The following NUP88 variants were observed in gnomAD, a reference collection of about 807,000 sequenced individuals.
NUP88 encodes the protein nucleoporin 88.
In NUP88, 57 loss-of-function variants were observed where a neutral mutation model predicts 93.9. That is an observed-to-expected ratio of 0.61 (90% confidence interval 0.49 to 0.76). NUP88 has a LOEUF of 0.76. NUP88 is among the 30% of genes least tolerant of loss of function. The probability of loss-of-function intolerance (pLI) is 0.00; values close to 1 mark genes in which losing one functional copy is unlikely to be tolerated. For synonymous variants in NUP88, 346 were observed against 336.8 expected (o/e 1.03, Z -0.30); for missense variants, 911 against 901.0 (o/e 1.01, Z -0.14).
chr17:5,405,629 T>C (rs932287069), intron 5 of NUP88, among the ~76,000 whole-genome samples: 1 of 152,182 alleles, frequency 6.6e-6, no homozygotes, highest in Non-Finnish European at 1.5e-5. Context: ...TTGAAAACCC[T>C]TGCCCTAAAT....
chr17:5,409,645 T>C (rs977001114), intron 4 of NUP88, among the ~76,000 whole-genome samples: 1 of 152,152 alleles, frequency 6.6e-6, no homozygotes, highest in Non-Finnish European at 1.5e-5. Context: ...TCTGGGAATA[T>C]GTCAGTGAAT....
intron 9 of NUP88, among the ~76,000 whole-genome samples, chr17:5,394,244 A>G (rs1912629699): frequency 6.6e-6 from 1 of 152,184 alleles, no homozygotes; most frequent in Non-Finnish European, 1.5e-5. Flanking sequence ...AGACCCAAGG[A>G]AAGAGTTGTG....
intron 2 of NUP88, among the ~76,000 whole-genome samples, chr17:5,416,160 A>AGTATATATATATAT (rs1914127002): frequency 1.2e-5 from 1 of 84,488 alleles, no homozygotes; most frequent in Non-Finnish European, 2.2e-5. Flanking sequence ...AAAAAAAAAA[A>AGTATATATATATAT]AAAAAAGTAT....
chr17:5,400,141 A>T (rs865984574), intron 7 of NUP88, among the ~76,000 whole-genome samples: 7 of 125,908 alleles, frequency 5.6e-5, no homozygotes, highest in Non-Finnish European at 9.5e-5. Flanking sequence ...TTCATTTGTT[A>T]AAAAAAAAAA....
intron 1 of NUP88, 58 bp from the exon 2 acceptor site, chr17:5,416,740 G>A: frequency 2.9e-6 from 4 of 1,387,602 alleles, no homozygotes; most frequent in Non-Finnish European, 3.9e-6. Flanking sequence ...ATAGGTGGCA[G>A]TTACTTGAAA....
chr17:5,391,526 C>T (rs1912415648), intron 10 of NUP88, 35 bp downstream of exon 10: 1 of 1,533,624 alleles, frequency 6.5e-7, no homozygotes, highest in African/African-American at 1.4e-5. Flanking sequence ...GCAGAATTAA[C>T]AAGAGCTGTG....
At chr17:5,406,835 T>A (rs573812304) in intron 5 of NUP88, among the ~76,000 whole-genome samples, 1 of 151,814 alleles carries the variant, frequency 6.6e-6, no homozygotes, top group Non-Finnish European at 1.5e-5. Context: ...CAAATTTGCG[T>A]TGGGCTGCAT....
At chr17:5,393,935 G>A (rs1912607757) in intron 9 of NUP88, among the ~76,000 whole-genome samples, 2 of 152,160 alleles carry the variant, frequency 1.3e-5, no homozygotes, top group African/African-American at 2.4e-5. Flanking sequence ...AATAAAGGGA[G>A]GTATCTAGAA....
At chr17:5,416,762 C>T (rs1914175267) in intron 1 of NUP88, 80 bp from the exon 2 acceptor site, 26 of 1,062,866 alleles carry the variant, frequency 2.4e-5, no homozygotes, top group East Asian at 7.8e-5. Context: ...CACAGTAATA[C>T]TTAGTTTACT....
chr17:5,417,249 A>G (rs1914204745), intron 1 of NUP88, among the ~76,000 whole-genome samples: 3 of 152,184 alleles, frequency 2.0e-5, no homozygotes, highest in Non-Finnish European at 4.4e-5. Flanking sequence ...AGTCACCAAT[A>G]TTTACTGAAA....
intron 5 of NUP88, among the ~76,000 whole-genome samples, chr17:5,406,982 G>A (rs970906894): frequency 6.6e-6 from 1 of 152,106 alleles, no homozygotes; most frequent in East Asian, 1.9e-4. Flanking sequence ...TGGGTTTTGG[G>A]CTAACGTTAC....
At chr17:5,410,432 C>T (rs1343026280) in intron 4 of NUP88, among the ~76,000 whole-genome samples, 1 of 151,950 alleles carries the variant, frequency 6.6e-6, no homozygotes, top group Non-Finnish European at 1.5e-5. Context: ...TTCTTTATCA[C>T]ATAGAAAGGT....
chr17:5,416,399 G>T, intron 2 of NUP88, 114 bp downstream of exon 2: 1 of 655,308 alleles, frequency 1.5e-6, no homozygotes, highest in Non-Finnish European at 2.5e-6. Flanking sequence ...TGCAGACCAC[G>T]AGGAGTGTTT....
At position 5,405,163 on chromosome 17, in the gene NUP88, G is replaced by A. The variant is rs1402045520; in HGVS notation, c.938C>T (p.Ala313Val). The change falls in exon 6 of 17, where the codon GCT (alanine) becomes GTT (valine). Residue 313 changes from alanine to valine, a missense_variant. Physicochemically the swap from Ala to Val is moderately conservative, Grantham distance 64. Coordinates refer to ENST00000573584, the MANE Select transcript of NUP88 (RefSeq NM_002532.6). ...GGGGACACAGGGTAAGCAGAGTACA[G>A]CACACGCATCATAACCATAGTTATC... ...AEDNYGYDAC[A>V]VLCLPCVPNI... 3 of 1,614,166 alleles carry A rather than the reference G, an allele frequency of 1.9e-6. No homozygotes were observed. The highest frequency in any genetic ancestry group is 3.3e-5 in the Admixed American group (2 of 60,016).
In NUP88 at chr17:5,386,725, C is replaced by G; in HGVS notation, c.2145G>C (p.Gln715His). Residue 715 changes from glutamine (Q) to histidine (H), a missense_variant, in exon 16 of 17, where the codon CAG (glutamine) becomes CAC (histidine). By Grantham distance (24) the Gln-to-His change is conservative (BLOSUM62 0). Transcript: ENST00000573584. ...ILSAYQRKCI[Q>H]SILKEEGEHI... ...TTACTTACTCCTCTTTCAGGATGGA[C>G]TGAATGCACTTTCGCTGGTAGGCAC... The G allele has an allele frequency of 6.2e-7, 1 of 1,608,574 alleles. No homozygotes were observed. Among genetic ancestry groups the G allele is most frequent in the South Asian group, 1.1e-5 (1 of 90,950 alleles).
intron 14 of NUP88, 39 bp from the exon 15 acceptor site, chr17:5,387,149 C>T: frequency 1.2e-6 from 2 of 1,601,596 alleles, no homozygotes; most frequent in Non-Finnish European, 1.7e-6. Context: ...TTTAAGGTCT[C>T]TACTAATTAG....
At chr17:5,391,538 G>A in intron 10 of NUP88, 23 bp downstream of exon 10, 1 of 1,571,346 alleles carries the variant, frequency 6.4e-7, no homozygotes, top group South Asian at 1.1e-5. Context: ...AGAGCTGTGT[G>A]GAGAATATAA....
At position 5,391,608 on chromosome 17, in the gene NUP88, C is replaced by T. The variant is rs765863953; in HGVS notation, c.1437G>A (p.Thr479=). 1.9e-5 allele frequency: 31 copies of T among 1,614,116 alleles called. No individual in the cohort carries two copies. Among genetic ancestry groups the T allele is most frequent in the Non-Finnish European group, 2.0e-5 (24 of 1,180,000 alleles). ...CATAGGTACTGGTGATGCAGATCATCGTGGGTCCCAGAATGTCAGGTACAA... is the reference window on the plus strand; with the variant it reads ...CATAGGTACTGGTGATGCAGATCATTGTGGGTCCCAGAATGTCAGGTACAA... The part of the protein sequence containing the change: ...FWIVPDILGP[T]MICITSTYEC... Residue 479 remains threonine, a synonymous_variant, in exon 10 of 17, where the codon ACG becomes ACA. Coordinates refer to ENST00000573584, the MANE Select transcript of NUP88 (RefSeq NM_002532.6).
intron 7 of NUP88, among the ~76,000 whole-genome samples, chr17:5,401,069 ATT>A (rs1033183495): frequency 1.3e-5 from 2 of 152,010 alleles, no homozygotes; most frequent in Non-Finnish European, 1.5e-5. Flanking sequence ...GTAACTCAAT[ATT>A]TTTATTATTA....
Sources: gnomAD v4.1 joint callset for allele counts (sites outside exome capture counted in the v4.1 genomes callset) on GRCh38, gnomAD v4.1.1 for gene constraint, MANE v1.5 for transcripts, NCBI Gene and HGNC (gene_info 2026-07-23, HGNC 2026-07-21) for gene names.